Variants in GABRG2 observed in about 807,000 individuals in gnomAD.
GABRG2 encodes the protein gamma-aminobutyric acid receptor subunit gamma-2.
In GABRG2, 16 loss-of-function variants were observed where a neutral mutation model predicts 56.4. That is an observed-to-expected ratio of 0.28 (90% CI 0.19 to 0.43). The LOEUF (loss-of-function observed/expected upper bound fraction) is 0.43. Among genes scored for constraint, GABRG2 ranks in the 20% least tolerant of loss-of-function variants. The pLI is 1.00. For missense variants in GABRG2, 327 were observed against 582.7 expected (o/e 0.56, Z 4.52); for synonymous variants, 208 against 205.5 (o/e 1.01, Z -0.10).
intron 3 of GABRG2, among the ~76,000 whole-genome samples, chr5:162,096,213 C>G (rs2113313809): frequency 1.3e-5 from 2 of 152,116 alleles, no homozygotes; most frequent in South Asian, 4.1e-4. Context: ...GATATATCAT[C>G]ACCTGCATAC....
intron 6 of GABRG2, among the ~76,000 whole-genome samples, chr5:162,110,280 G>A (rs1015136613): frequency 6.6e-6 from 1 of 152,050 alleles, no homozygotes; most frequent in African/African-American, 2.4e-5. Context: ...TACATATACT[G>A]TATCTTTACG....
chr5:162,149,905 C>A, intron 8 of GABRG2: 1 of 248,760 alleles, frequency 4.0e-6, no homozygotes, highest in Non-Finnish European at 8.1e-6. Flanking sequence ...TGAGCCACTG[C>A]GCCTGGCCAT....
In GABRG2 at chr5:162,114,924, C is replaced by T. The variant is rs570594135; in HGVS notation, c.769+10898C>T. 4.0e-5 allele frequency among the ~76,000 whole-genome samples: 6 copies of T among 151,382 alleles called. No individual in the cohort carries two copies. The South Asian group carries it at 1.2e-3, about 31-fold the overall frequency. On this transcript the variant is annotated intron_variant, in intron 6 of 9. Transcript: ENST00000639213. Reference sequence around the variant, plus strand: ...ATGTAAGCAGCTAAAAGCTTTGTTGCCGTTTTTGGTTTGTTGCCGTTTTGC... The same window carrying T: ...ATGTAAGCAGCTAAAAGCTTTGTTGTCGTTTTTGGTTTGTTGCCGTTTTGC...
intron 6 of GABRG2, among the ~76,000 whole-genome samples, chr5:162,111,340 T>C (rs957377086): frequency 2.6e-5 from 4 of 152,172 alleles, no homozygotes; most frequent in African/African-American, 9.6e-5. Flanking sequence ...AACATTTGTA[T>C]GCTGTGTTAA....
intron 4 of GABRG2, 159 bp downstream of exon 4, chr5:162,098,017 A>C: frequency 1.6e-6 from 1 of 643,704 alleles, no homozygotes; most frequent in Non-Finnish European, 2.7e-6. Context: ...TCAAAACATT[A>C]GTTTTTTCTT....
At position 162,097,764 on chromosome 5, in the gene GABRG2, T is replaced by C; in HGVS notation, c.454T>C (p.Phe152Leu). Residue 152 changes from phenylalanine (F) to leucine (L), a missense_variant, in exon 4 of 10, where the codon TTC becomes CTC. Around this residue, in one of 4 missense-constraint regions of GABRG2, gnomAD observed 104 missense variants for 209.3 expected, o/e 0.50. Transcript: ENST00000639213. ...VGKIWIPDTF[F>L]RNSKKADAHW... ...GAAAATCTGGATTCCAGACACTTTC[T>C]TCAGAAATTCCAAAAAAGCTGATGC... 6.2e-7 allele frequency: 1 copy of C among 1,613,854 alleles called. No homozygotes were observed. Among genetic ancestry groups the C allele is most frequent in the Non-Finnish European group, 8.5e-7 (1 of 1,179,894 alleles).
At position 162,102,690 on chromosome 5, in the gene GABRG2, C is replaced by T. The variant is rs916713322; in HGVS notation, c.632-1199C>T. On this transcript the variant is annotated intron_variant, in intron 5 of 9. Coordinates refer to ENST00000639213, the MANE Select transcript of GABRG2 (RefSeq NM_198904.4). ...GGATTTCAGGCACGCACCACCATACCCAGCTAATTTCTGTATTTTTTGTAG... is the reference window on the plus strand; with the variant it reads ...GGATTTCAGGCACGCACCACCATACTCAGCTAATTTCTGTATTTTTTGTAG... 5.1e-5 allele frequency: 22 copies of T among 429,738 alleles called. No individual in the cohort carries two copies. The highest frequency in any genetic ancestry group is 3.7e-4 in the Admixed American group (15 of 40,154). 26.6% of individuals were successfully genotyped at this position (429,738 alleles called of 1,614,324 possible).
intron 1 of GABRG2, among the ~76,000 whole-genome samples, chr5:162,073,206 A>C (rs906352607): frequency 9.9e-5 from 15 of 151,858 alleles, no homozygotes; most frequent in African/African-American, 3.6e-4. Flanking sequence ...CTATTACATT[A>C]TGTTTTTTTG....
At chr5:162,077,790 C>T (rs892090623) in intron 1 of GABRG2, among the ~76,000 whole-genome samples, 1 of 152,046 alleles carries the variant, frequency 6.6e-6, no homozygotes, top group Non-Finnish European at 1.5e-5. Flanking sequence ...GGGTCCTGGC[C>T]ATCTTAAGGT....
intron 1 of GABRG2, among the ~76,000 whole-genome samples, chr5:162,073,949 A>G (rs1213353947): frequency 1.3e-5 from 2 of 151,952 alleles, no homozygotes; most frequent in Non-Finnish European, 2.9e-5. Flanking sequence ...CCTTGAATTC[A>G]TAGCGCAATA....
intron 6 of GABRG2, among the ~76,000 whole-genome samples, chr5:162,112,581 C>A (rs912269613): frequency 3.9e-5 from 6 of 152,094 alleles, no homozygotes; most frequent in Non-Finnish European, 5.9e-5. Context: ...ATTGCAGATA[C>A]GCACTTTTAA....
At chr5:162,143,478 A>C (rs1310505320) in intron 7 of GABRG2, among the ~76,000 whole-genome samples, 1 of 152,198 alleles carries the variant, frequency 6.6e-6, no homozygotes, top group Non-Finnish European at 1.5e-5. Flanking sequence ...ACACAGACTA[A>C]AACAAAGCCC....
chr5:162,104,832 T>A (rs1415356487), intron 6 of GABRG2, among the ~76,000 whole-genome samples: 1 of 152,166 alleles, frequency 6.6e-6, no homozygotes, highest in Admixed American at 6.5e-5. Flanking sequence ...CAATTGTTGA[T>A]TTAAAACCCT....
intron 6 of GABRG2, among the ~76,000 whole-genome samples, chr5:162,119,756 G>A (rs1762861858): frequency 6.6e-6 from 1 of 152,112 alleles, no homozygotes; most frequent in Non-Finnish European, 1.5e-5. Context: ...TCAATAGCAT[G>A]TCATTCCCAT....
At chr5:162,123,813 T>C (rs752712951) in intron 6 of GABRG2, among the ~76,000 whole-genome samples, 1 of 151,940 alleles carries the variant, frequency 6.6e-6, no homozygotes, top group Non-Finnish European at 1.5e-5. Context: ...CCAAGACTTG[T>C]AAATGGGCCT....
chr5:162,122,305 T>TAA (rs1763029771), intron 6 of GABRG2, among the ~76,000 whole-genome samples: 1 of 151,864 alleles, frequency 6.6e-6, no homozygotes, highest in Admixed American at 6.6e-5. Context: ...TAACTATGAG[T>TAA]TAGGCCTCTG....
chr5:162,102,478 C>A (rs2113360616), intron 5 of GABRG2: 1 of 453,886 alleles, frequency 2.2e-6, no homozygotes, highest in African/African-American at 2.0e-5. Flanking sequence ...ATAATTCAGT[C>A]ACCAGCACAT....
chr5:162,078,664 C>T (rs907979283), intron 1 of GABRG2, among the ~76,000 whole-genome samples: 7 of 151,438 alleles, frequency 4.6e-5, no homozygotes, highest in Admixed American at 1.3e-4. Flanking sequence ...CTTGGCCTCC[C>T]AAAATGCTGG....
chr5:162,097,549 G>C (rs1271577742), intron 3 of GABRG2, 89 bp from the exon 4 acceptor site: 2 of 1,050,610 alleles, frequency 1.9e-6, no homozygotes, highest in East Asian at 2.5e-5. Context: ...GCTTCATATT[G>C]GCAAAGAAAA....
Sources: gnomAD v4.1 joint callset for allele counts (sites outside exome capture counted in the v4.1 genomes callset) on GRCh38, gnomAD v4.1.1 for gene constraint, gnomAD v4.1.1 regional missense constraint, MANE v1.5 for transcripts, NCBI Gene and HGNC (gene_info 2026-07-23, HGNC 2026-07-21) for gene names.